Variants in EDIL3 observed in about 807,000 individuals in gnomAD.
EDIL3 encodes EGF-like repeat and discoidin I-like domain-containing protein 3.
EDIL3 carries 37 observed loss-of-function variants against 67.4 expected under a neutral mutation model. That is an observed-to-expected ratio of 0.55 (90% CI 0.42 to 0.72). EDIL3 has a LOEUF of 0.72. Ranked by LOEUF, EDIL3 falls within the 30% of genes least tolerant of loss-of-function variation. The probability of loss-of-function intolerance (pLI) is 0.00; values close to 1 mark genes in which losing one functional copy is unlikely to be tolerated. For missense variants in EDIL3, 527 were observed against 586.3 expected (o/e 0.90, Z 1.04); for synonymous variants, 195 against 196.3 (o/e 0.99, Z 0.05).
chr5:84,190,579 GTATA>G (rs138685119), intron 3 of EDIL3, among the ~76,000 whole-genome samples: 9,297 of 121,588 alleles, frequency 0.076, 405 homozygotes, highest in African/African-American at 0.089. Context: ...GTGTGTGTGT[GTATA>G]TATATATATA....
intron 9 of EDIL3, among the ~76,000 whole-genome samples, chr5:83,969,454 A>C (rs1000635231): frequency 6.6e-6 from 1 of 151,928 alleles, no homozygotes; most frequent in African/African-American, 2.4e-5. Context: ...CCTAATGACT[A>C]TATAACATTC....
intron 9 of EDIL3, among the ~76,000 whole-genome samples, chr5:83,971,721 G>A (rs1744797275): frequency 6.6e-6 from 1 of 151,724 alleles, no homozygotes; most frequent in Admixed American, 6.6e-5. Flanking sequence ...AAGAGTCCTG[G>A]TGTTTGTCAC....
intron 6 of EDIL3, among the ~76,000 whole-genome samples, chr5:84,092,796 A>G (rs1422508725): frequency 9.4e-5 from 1 of 10,650 alleles, no homozygotes; most frequent in Non-Finnish European, 2.4e-4. Flanking sequence ...CATTTGAGGA[A>G]AAAAAAAACA....
intron 1 of EDIL3, among the ~76,000 whole-genome samples, chr5:84,284,975 T>C (rs1174616914): frequency 6.6e-6 from 1 of 152,166 alleles, no homozygotes. Context: ...CTGTGATGGG[T>C]TGAAGTTTAG....
At chr5:84,375,001 C>T (rs1271705570) in intron 1 of EDIL3, among the ~76,000 whole-genome samples, 2 of 147,972 alleles carry the variant, frequency 1.4e-5, no homozygotes, top group African/African-American at 5.0e-5. Flanking sequence ...CAGACGGAGT[C>T]TCTCTCTGTC....
At chr5:84,164,729 T>C (rs1374764892) in intron 4 of EDIL3, among the ~76,000 whole-genome samples, 1 of 152,078 alleles carries the variant, frequency 6.6e-6, no homozygotes, top group East Asian at 1.9e-4. Flanking sequence ...CAATTCTAGG[T>C]TTTGATCAGG....
intron 9 of EDIL3, among the ~76,000 whole-genome samples, chr5:83,977,802 T>C (rs1351267856): frequency 2.0e-5 from 3 of 151,886 alleles, no homozygotes; most frequent in Non-Finnish European, 4.4e-5. Flanking sequence ...TTGGATAATT[T>C]TGTCAACATT....
chr5:84,074,873 C>A (rs1220835433), intron 6 of EDIL3, among the ~76,000 whole-genome samples: 1 of 152,136 alleles, frequency 6.6e-6, no homozygotes, highest in Non-Finnish European at 1.5e-5. Context: ...GACTATAAAT[C>A]ATGCTGCTAT....
At chr5:84,252,015 G>GA (rs1253402664) in intron 2 of EDIL3, among the ~76,000 whole-genome samples, 1 of 152,098 alleles carries the variant, frequency 6.6e-6, no homozygotes, top group Non-Finnish European at 1.5e-5. Flanking sequence ...ATGTAATAAT[G>GA]AATCTGAGTA....
chr5:84,344,796 A>AT lies in EDIL3; in HGVS notation c.67+39511dup, dbSNP rs1447305848. On this transcript the variant is annotated intron_variant, in intron 1 of 10. Transcript: ENST00000296591. ...GCTACTAGAAATTTTAAAACTAAAC[A>AT]TGTGGTTTATGTTATATTTCTAATA... Among the ~76,000 whole-genome samples the AT allele has an allele frequency of 2.0e-5, 3 of 152,126 alleles. No individual in the cohort carries two copies. In the East Asian group the frequency reaches 5.8e-4, roughly 29 times the overall value.
At chr5:83,955,321 AC>A (rs1231577284) in intron 10 of EDIL3, among the ~76,000 whole-genome samples, 1 of 151,754 alleles carries the variant, frequency 6.6e-6, no homozygotes, top group Non-Finnish European at 1.5e-5. Flanking sequence ...GTAATAATAA[AC>A]AACATTTAAA....
chr5:84,004,090 A>G (rs913059337), intron 9 of EDIL3, among the ~76,000 whole-genome samples: 5 of 152,198 alleles, frequency 3.3e-5, no homozygotes, highest in African/African-American at 9.6e-5. Flanking sequence ...AGTACACTAT[A>G]TAATGATAAA....
At chr5:84,159,353 G>A (rs1430609370) in intron 4 of EDIL3, among the ~76,000 whole-genome samples, 1 of 152,028 alleles carries the variant, frequency 6.6e-6, no homozygotes, top group East Asian at 1.9e-4. Context: ...ATCATACGTA[G>A]ACCAAGTGTG....
intron 1 of EDIL3, among the ~76,000 whole-genome samples, chr5:84,335,673 A>C (rs1347282928): frequency 6.6e-6 from 1 of 152,208 alleles, no homozygotes; most frequent in Non-Finnish European, 1.5e-5. Context: ...AAATGGCATT[A>C]ATTTTTATAA....
chr5:84,235,248 G>A (rs906186984), intron 2 of EDIL3, among the ~76,000 whole-genome samples: 15 of 152,080 alleles, frequency 9.9e-5, no homozygotes, highest in African/African-American at 3.6e-4. Context: ...AAGATGATTA[G>A]TTTCCTCTGG....
chr5:84,141,243 A>G (rs1299511226), intron 4 of EDIL3, among the ~76,000 whole-genome samples: 1 of 151,236 alleles, frequency 6.6e-6, no homozygotes, highest in Non-Finnish European at 1.5e-5. Context: ...TATTTATAAT[A>G]ATAATATCAT....
At chr5:83,979,331 A>C (rs1306393386) in intron 9 of EDIL3, among the ~76,000 whole-genome samples, 4 of 152,132 alleles carry the variant, frequency 2.6e-5, no homozygotes, top group African/African-American at 9.6e-5. Context: ...AAATTGGCTT[A>C]ACAACTTCGT....
chr5:84,130,891 T>G (rs1747953209), intron 5 of EDIL3, among the ~76,000 whole-genome samples: 1 of 152,146 alleles, frequency 6.6e-6, no homozygotes, highest in East Asian at 1.9e-4. Context: ...TGATTTTGGG[T>G]AAATAATATT....
At chr5:83,956,562 C>T (rs1376226182) in intron 10 of EDIL3, among the ~76,000 whole-genome samples, 1 of 151,768 alleles carries the variant, frequency 6.6e-6, no homozygotes, top group Non-Finnish European at 1.5e-5. Context: ...CTGCAAACCA[C>T]TTTCACTTTG....
Sources: gnomAD v4.1 joint callset for allele counts (sites outside exome capture counted in the v4.1 genomes callset) on GRCh38, gnomAD v4.1.1 for gene constraint, MANE v1.5 for transcripts, NCBI Gene and HGNC (gene_info 2026-07-23, HGNC 2026-07-21) for gene names.